RPS6KC1: variants seen among roughly 807,000 people sequenced by gnomAD.
RPS6KC1 encodes ribosomal protein S6 kinase C1.
A neutral mutation model predicts 103.8 loss-of-function variants in RPS6KC1; 54 were observed. That is an observed-to-expected ratio of 0.52 (90% CI 0.42 to 0.65). The LOEUF (loss-of-function observed/expected upper bound fraction) is 0.65. Among genes scored for constraint, RPS6KC1 ranks in the 30% least tolerant of loss-of-function variants. The pLI is 0.00. For synonymous variants in RPS6KC1, 439 were observed against 438.7 expected (o/e 1.00, Z -0.01); for missense variants, 1,151 against 1,253.8 (o/e 0.92, Z 1.24).
At chr1:213,512,522 A>C in the RPS6KC1 span, among the ~76,000 whole-genome samples, 1 of 152,192 alleles carries the variant, frequency 6.6e-6, no homozygotes, top group Non-Finnish European at 1.5e-5. Context: ...GCCCATTAGC[A>C]ACTGCTTTAG....
chr1:213,719,744 T>C, the RPS6KC1 span, among the ~76,000 whole-genome samples: 3 of 152,040 alleles, frequency 2.0e-5, no homozygotes, highest in Admixed American at 6.6e-5. Context: ...GCGGGGGCAG[T>C]GGCATGGTGG....
chr1:213,444,875 A>T, the RPS6KC1 span, among the ~76,000 whole-genome samples: 1 of 152,160 alleles, frequency 6.6e-6, no homozygotes, highest in Non-Finnish European at 1.5e-5. Flanking sequence ...ATACCATAAA[A>T]TTCACCCATT....
At chr1:213,624,216 G>A in the RPS6KC1 span, among the ~76,000 whole-genome samples, 2 of 152,158 alleles carry the variant, frequency 1.3e-5, no homozygotes, top group African/African-American at 4.8e-5. Flanking sequence ...TTAAAGGGCT[G>A]GCATATGATA....
the RPS6KC1 span, among the ~76,000 whole-genome samples, chr1:213,433,531 T>A: frequency 6.6e-6 from 1 of 152,240 alleles, no homozygotes; most frequent in South Asian, 2.1e-4. Flanking sequence ...GGTGTGTGTT[T>A]AACCTTTTAG....
the RPS6KC1 span, among the ~76,000 whole-genome samples, chr1:213,759,004 A>G: frequency 6.6e-6 from 1 of 152,338 alleles, no homozygotes; most frequent in East Asian, 1.9e-4. Flanking sequence ...CTGTGCATAA[A>G]ATGCTATCAA....
At chr1:213,759,846 T>C in the RPS6KC1 span, among the ~76,000 whole-genome samples, 4 of 152,322 alleles carry the variant, frequency 2.6e-5, no homozygotes, top group Non-Finnish European at 5.9e-5. Context: ...CCCTCCCATG[T>C]CCTCTAGCAA....
the RPS6KC1 span, among the ~76,000 whole-genome samples, chr1:213,543,089 T>A: frequency 1.1e-4 from 17 of 152,206 alleles, no homozygotes; most frequent in Non-Finnish European, 2.1e-4. Flanking sequence ...GAATGGCCCA[T>A]TCAGGACTGC....
chr1:213,220,089 C>T (rs1315221030), intron 8 of RPS6KC1, among the ~76,000 whole-genome samples: 1 of 152,022 alleles, frequency 6.6e-6, no homozygotes, highest in Non-Finnish European at 1.5e-5. Context: ...TATATACACA[C>T]ACAATACAGT....
At chr1:213,315,479 A>G in the RPS6KC1 span, among the ~76,000 whole-genome samples, 7 of 152,264 alleles carry the variant, frequency 4.6e-5, no homozygotes, top group African/African-American at 1.7e-4. Flanking sequence ...TTTATCACAC[A>G]TAGATATTAA....
At chr1:213,287,494 T>C in the RPS6KC1 span, among the ~76,000 whole-genome samples, 1 of 152,198 alleles carries the variant, frequency 6.6e-6, no homozygotes, top group South Asian at 2.1e-4. Context: ...CCTTGTGCGG[T>C]GTACAACATG....
intron 6 of RPS6KC1, among the ~76,000 whole-genome samples, chr1:213,141,760 G>A (rs952909319): frequency 1.3e-5 from 2 of 151,646 alleles, no homozygotes; most frequent in Non-Finnish European, 2.9e-5. Flanking sequence ...TGGATGTTTA[G>A]CACTGTTAAC....
the RPS6KC1 span, among the ~76,000 whole-genome samples, chr1:213,359,134 C>A: frequency 6.6e-6 from 1 of 152,160 alleles, no homozygotes. Flanking sequence ...TCTTGTTGAT[C>A]TGTCTAATGT....
the RPS6KC1 span, among the ~76,000 whole-genome samples, chr1:213,590,373 T>G: frequency 6.6e-6 from 1 of 152,088 alleles, no homozygotes; most frequent in East Asian, 1.9e-4. Context: ...GTCTGAAAAT[T>G]AAGGGGCAGG....
chr1:213,565,261 C>T, the RPS6KC1 span, among the ~76,000 whole-genome samples: 1 of 152,172 alleles, frequency 6.6e-6, no homozygotes, highest in Non-Finnish European at 1.5e-5. Flanking sequence ...ATTCTACTCT[C>T]AGGTATTTAC....
the RPS6KC1 span, among the ~76,000 whole-genome samples, chr1:213,688,283 T>C: frequency 7.2e-3 from 1,092 of 152,292 alleles, 22 homozygotes; most frequent in African/African-American, 0.025. Flanking sequence ...CTAGTTGTCT[T>C]GGCTTTATCC....
the RPS6KC1 span, among the ~76,000 whole-genome samples, chr1:213,617,010 A>G: frequency 2.6e-5 from 4 of 152,214 alleles, no homozygotes; most frequent in African/African-American, 7.2e-5. Flanking sequence ...ACACAGCACA[A>G]TAACTCATGT....
chr1:213,214,077 G>A (rs1490879915), intron 8 of RPS6KC1, among the ~76,000 whole-genome samples: 1 of 151,122 alleles, frequency 6.6e-6, no homozygotes, highest in Non-Finnish European at 1.5e-5. Flanking sequence ...GCAGGGCGAG[G>A]CATCGCCTCA....
the RPS6KC1 span, among the ~76,000 whole-genome samples, chr1:213,570,398 G>A: frequency 6.6e-6 from 1 of 152,176 alleles, no homozygotes; most frequent in African/African-American, 2.4e-5. Flanking sequence ...AGCTCTGAGG[G>A]TCTAATTCTG....
chr1:213,284,519 A>AG, the RPS6KC1 span, among the ~76,000 whole-genome samples: 1 of 152,188 alleles, frequency 6.6e-6, no homozygotes, highest in African/African-American at 2.4e-5. Context: ...CAGAAAAAAA[A>AG]AAAAAGTGAA....
Sources: allele counts gnomAD v4.1 joint callset (sites outside exome capture counted in the v4.1 genomes callset), GRCh38; gene constraint gnomAD v4.1.1; transcripts MANE v1.5; gene names NCBI Gene and HGNC (gene_info 2026-07-23, HGNC 2026-07-21).